The following KCNQ5 variants were observed in gnomAD, a reference collection of about 807,000 sequenced individuals.
KCNQ5 encodes the protein potassium voltage-gated channel subfamily Q member 5.
In KCNQ5, 30 loss-of-function variants were observed where a neutral mutation model predicts 98.2. The observed-to-expected ratio is 0.31, with a 90% confidence interval of 0.23 to 0.41. KCNQ5 has a LOEUF of 0.41. Among genes scored for constraint, KCNQ5 ranks in the 10% least tolerant of loss-of-function variants. The pLI is 1.00. For synonymous variants in KCNQ5, 458 were observed against 449.4 expected (o/e 1.02, Z -0.24); for missense variants, 835 against 1,182.5 (o/e 0.71, Z 4.31).
intron 10 of KCNQ5, chr6:73,134,725 C>T (rs560971827): frequency 6.6e-6 from 1 of 152,578 alleles, no homozygotes; most frequent in South Asian, 2.1e-4. Flanking sequence ...GACGTGGCTC[C>T]TCCTGGCGGA....
intron 1 of KCNQ5, among the ~76,000 whole-genome samples, chr6:72,858,293 GCATGTCTCTA>G (rs1322333760): frequency 2.3e-4 from 35 of 151,922 alleles, no homozygotes; most frequent in Admixed American, 7.2e-4. Context: ...TATATGTGTG[GCATGTCTCTA>G]CATCCATAGA....
chr6:72,631,910 T>A (rs1223891442), intron 1 of KCNQ5, among the ~76,000 whole-genome samples: 1 of 152,152 alleles, frequency 6.6e-6, no homozygotes, highest in African/African-American at 2.4e-5. Context: ...CTTTTATTCC[T>A]CCGAATAACC....
Position 72,847,131 on chromosome 6 carries a change from A to T in KCNQ5, c.399-156777A>T, listed in dbSNP as rs184560889. Among the ~76,000 whole-genome samples the T allele has an allele frequency of 8.3e-3, 1,172 of 140,436 alleles. 10 individuals carry two copies. The highest frequency in any genetic ancestry group is 0.018 in the African/African-American group (733 of 40,682). 92.1% of individuals were successfully genotyped at this position (140,436 alleles called of 152,430 possible). A position where few individuals can be genotyped will look rare whatever the true frequency, so the allele number is the denominator to read the frequency against. On this transcript the variant is annotated intron_variant, in intron 1 of 13. Transcript: ENST00000370398. The stretch of plus-strand genomic sequence containing the variant: ...AAAAATAATAATAATAAAATAAATT[A>T]AAAAAAAATTCCCTTGCACTCCAAT...
chr6:73,070,911 T>C (rs768622159), intron 3 of KCNQ5, among the ~76,000 whole-genome samples: 1 of 152,194 alleles, frequency 6.6e-6, no homozygotes, highest in Non-Finnish European at 1.5e-5. Flanking sequence ...CTATTCTGAA[T>C]AGTAAACATA....
At chr6:72,763,679 C>G (rs1772405789) in intron 1 of KCNQ5, among the ~76,000 whole-genome samples, 1 of 151,958 alleles carries the variant, frequency 6.6e-6, no homozygotes. Context: ...GGCCTCCAGC[C>G]AGGGCTTTCT....
chr6:72,664,368 A>T (rs997041320), intron 1 of KCNQ5, among the ~76,000 whole-genome samples: 3 of 152,160 alleles, frequency 2.0e-5, no homozygotes, highest in Non-Finnish European at 4.4e-5. Context: ...TTATTTGGAA[A>T]TCAGGCCGGG....
intron 1 of KCNQ5, among the ~76,000 whole-genome samples, chr6:72,627,809 C>T (rs1203752959): frequency 6.6e-6 from 1 of 151,904 alleles, no homozygotes; most frequent in African/African-American, 2.4e-5. Context: ...TCATGCTGTT[C>T]TCTTGGCTTC....
chr6:73,077,705 T>G, intron 4 of KCNQ5, 57 bp from the exon 5 acceptor site: 1 of 1,514,154 alleles, frequency 6.6e-7, no homozygotes, highest in Admixed American at 1.9e-5. Context: ...TAGAATTCTT[T>G]TTTCCTTTTT....
intron 1 of KCNQ5, among the ~76,000 whole-genome samples, chr6:72,813,121 G>A (rs2150106604): frequency 6.6e-6 from 1 of 151,998 alleles, no homozygotes; most frequent in Admixed American, 6.6e-5. Flanking sequence ...AAGGAACTAT[G>A]ATGTTTAATC....
At chr6:73,032,348 A>G (rs529369757) in intron 2 of KCNQ5, among the ~76,000 whole-genome samples, 2 of 152,250 alleles carry the variant, frequency 1.3e-5, no homozygotes, top group Admixed American at 1.3e-4. Context: ...TTGTATTTTT[A>G]GTAGAGACCG....
Position 72,982,487 on chromosome 6 carries a change from C to CTT in KCNQ5, c.399-21400_399-21399dup, listed in dbSNP as rs141947372. On this transcript the variant is annotated intron_variant, in intron 1 of 13. Transcript: ENST00000370398. ...TCAGAGACTAGGATTGCAACCCCTGCTTTTTTTTTTTTTTTTTTTTTTGCT... is the reference window on the plus strand; with the variant it reads ...TCAGAGACTAGGATTGCAACCCCTGCTTTTTTTTTTTTTTTTTTTTTTTTGCT... 3.6e-3 allele frequency among the ~76,000 whole-genome samples: 217 copies of CTT among 60,264 alleles called. 3 individuals are homozygous for CTT. Among genetic ancestry groups the CTT allele is most frequent in the East Asian group, 0.016 (31 of 1,996 alleles). 39.5% of individuals were successfully genotyped at this position (60,264 alleles called of 152,430 possible).
intron 1 of KCNQ5, among the ~76,000 whole-genome samples, chr6:72,875,901 C>T (rs1049447039): frequency 1.3e-5 from 2 of 151,982 alleles, no homozygotes; most frequent in African/African-American, 2.4e-5. Context: ...TTCCCTTCCT[C>T]AGTTTACATT....
chr6:72,629,674 C>A (rs2098919765), intron 1 of KCNQ5, among the ~76,000 whole-genome samples: 1 of 152,198 alleles, frequency 6.6e-6, no homozygotes, highest in African/African-American at 2.4e-5. Flanking sequence ...AAAATGCCAG[C>A]AGAGCATGTT....
chr6:73,062,181 G>C lies in KCNQ5; in HGVS notation c.617-15141G>C, dbSNP rs370520246. Reference sequence around the variant, plus strand: ...GCTTTTGAAGCTTTCTTGTAGACTGGTTGTTCATTATGGCTTCATCTATGT... The same window carrying C: ...GCTTTTGAAGCTTTCTTGTAGACTGCTTGTTCATTATGGCTTCATCTATGT... On this transcript the variant is annotated intron_variant, in intron 3 of 13. Coordinates refer to ENST00000370398, the MANE Select transcript of KCNQ5 (RefSeq NM_019842.4). Among the ~76,000 whole-genome samples the C allele has an allele frequency of 3.3e-5, 5 of 152,244 alleles. No individual in the cohort carries two copies. The South Asian group carries it at 8.3e-4, about 25-fold the overall frequency.
At chr6:73,034,479 A>G (rs1046094113) in intron 2 of KCNQ5, among the ~76,000 whole-genome samples, 1 of 152,240 alleles carries the variant, frequency 6.6e-6, no homozygotes, top group African/African-American at 2.4e-5. Context: ...AGAAAAAACT[A>G]ATGGTCACAG....
chr6:72,799,567 G>A (rs1167659669), intron 1 of KCNQ5, among the ~76,000 whole-genome samples: 2 of 152,144 alleles, frequency 1.3e-5, no homozygotes, highest in African/African-American at 4.8e-5. Context: ...GACTTAGGTT[G>A]TATACCATTT....
At chr6:72,648,733 G>GC (rs1227138242) in intron 1 of KCNQ5, among the ~76,000 whole-genome samples, 2 of 150,594 alleles carry the variant, frequency 1.3e-5, no homozygotes, top group Non-Finnish European at 3.0e-5. Flanking sequence ...ACCTAAGCCT[G>GC]CAGAAATATA....
chr6:72,736,301 G>A (rs1366071421), intron 1 of KCNQ5, among the ~76,000 whole-genome samples: 1 of 151,950 alleles, frequency 6.6e-6, no homozygotes, highest in Non-Finnish European at 1.5e-5. Flanking sequence ...ATTAAAAAGT[G>A]GCAGCAATCT....
intron 1 of KCNQ5, among the ~76,000 whole-genome samples, chr6:72,648,277 C>T (rs1765702117): frequency 2.0e-5 from 3 of 152,122 alleles, no homozygotes; most frequent in Admixed American, 6.6e-5. Flanking sequence ...CATCATGGAA[C>T]ATCGTGCAGT....
Sources: allele counts gnomAD v4.1 joint callset (sites outside exome capture counted in the v4.1 genomes callset), GRCh38; gene constraint gnomAD v4.1.1; transcripts MANE v1.5; gene names NCBI Gene and HGNC (gene_info 2026-07-23, HGNC 2026-07-21).